Variants in GFRA3 observed in about 807,000 individuals in gnomAD.
The protein encoded by GFRA3 is GDNF family receptor alpha-3.
Under a neutral mutation model 40.0 loss-of-function variants are expected in GFRA3, and 24 were observed. The ratio of observed to expected loss-of-function variants is 0.60; its 90% CI spans 0.43 to 0.84. GFRA3 has a LOEUF of 0.84. Ranked by LOEUF, GFRA3 falls within the 40% of genes least tolerant of loss-of-function variation. The probability of loss-of-function intolerance (pLI) is 0.00; values close to 1 mark genes in which losing one functional copy is unlikely to be tolerated. For missense variants in GFRA3, 405 were observed against 530.6 expected (o/e 0.76, Z 2.33); for synonymous variants, 203 against 213.5 (o/e 0.95, Z 0.43).
chr5:138,264,444 A>C lies in GFRA3; in HGVS notation c.196T>G (p.Ser66Ala), dbSNP rs1030251218. The C allele has an allele frequency of 2.4e-5, 38 of 1,614,034 alleles. No homozygotes were observed. The highest frequency in any genetic ancestry group is 2.9e-5 in the Non-Finnish European group (34 of 1,179,932). The part of the protein sequence containing the change: ...TCSAAYHHLD[S>A]CTSSISTPLP... ...GGGGTGCTTATGCTAGAGGTGCAGG[A>C]ATCCAGGTGGTGGTAGGCAGCACTG... Residue 66 changes from serine (S) to alanine (A), a missense_variant, in exon 2 of 8, where the codon TCC (serine) becomes GCC (alanine). Coordinates refer to ENST00000274721, the MANE Select transcript of GFRA3 (RefSeq NM_001496.4).
intron 1 of GFRA3, among the ~76,000 whole-genome samples, chr5:138,271,919 G>T (rs1165316896): frequency 2.4e-3 from 214 of 90,520 alleles, no homozygotes; most frequent in Middle Eastern, 6.8e-3. Flanking sequence ...TTTTTTGTGT[G>T]TGTGTGTGTG....
chr5:138,257,958 G>C lies in GFRA3; in HGVS notation c.473-7C>G, dbSNP rs769046323. 44 of 1,613,230 alleles carry C rather than the reference G, an allele frequency of 2.7e-5. No homozygotes were observed. The highest frequency in any genetic ancestry group is 3.6e-5 in the Non-Finnish European group (43 of 1,179,334). Reference sequence around the variant, plus strand: ...TTGAGGCAGAGGTCTGAGTCTGGGGGGAAAGGGCACGGAGTCAGTCGGCTG... The same window carrying C: ...TTGAGGCAGAGGTCTGAGTCTGGGGCGAAAGGGCACGGAGTCAGTCGGCTG... On this transcript the variant is annotated splice_polypyrimidine_tract_variant and splice_region_variant and intron_variant, in intron 3 of 7. Coordinates refer to ENST00000274721, the MANE Select transcript of GFRA3 (RefSeq NM_001496.4).
chr5:138,274,435 A>T lies in GFRA3; in HGVS notation c.-11T>A, dbSNP rs573326772. On this transcript the variant is annotated 5_prime_UTR_variant, in exon 1 of 8. Coordinates refer to ENST00000274721, the MANE Select transcript of GFRA3 (RefSeq NM_001496.4). ...CAGGGGGCGCACCATGGCGAGCTGT[A>T]GGCGCCGGGCTCCGCGCTCCCCTCG... 1.5e-6 allele frequency: 2 copies of T among 1,297,434 alleles called. No homozygotes were observed. The highest frequency in any genetic ancestry group is 3.8e-5 in the Admixed American group (1 of 26,308). The allele number at this position is 1,297,434 out of a possible 1,614,324, so 80.4% of individuals were successfully genotyped here. A position where few individuals can be genotyped will look rare whatever the true frequency, so the allele number is the denominator to read the frequency against.
intron 4 of GFRA3, among the ~76,000 whole-genome samples, chr5:138,254,790 G>T (rs1383917944): frequency 6.6e-6 from 1 of 152,022 alleles, no homozygotes. Flanking sequence ...ATTTTTGTGA[G>T]GATGAAGTAA....
In GFRA3 at chr5:138,259,624, G is replaced by T; in HGVS notation, c.405C>A (p.Pro135=). The T allele has an allele frequency of 6.6e-7, 1 of 1,510,622 alleles. No individual in the cohort carries two copies. Among genetic ancestry groups the T allele is most frequent in the Non-Finnish European group, 9.2e-7 (1 of 1,085,550 alleles). 93.6% of individuals were successfully genotyped at this position (1,510,622 alleles called of 1,614,324 possible). A position where few individuals can be genotyped will look rare whatever the true frequency, so the allele number is the denominator to read the frequency against. Reference sequence around the variant, plus strand: ...GTTTGCTGGTCACTGTGTCTTCATAGGGGGAGACATCCAGCTCATAGTTAC... The same window carrying T: ...GTTTGCTGGTCACTGTGTCTTCATATGGGGAGACATCCAGCTCATAGTTAC... The part of the protein sequence containing the change: ...SLGNYELDVS[P]YEDTVTSKPW... The change falls in exon 3 of 8, where the codon CCC becomes CCA. Residue 135 remains proline, a synonymous_variant. Transcript: ENST00000274721.
chr5:138,253,089 G>A, intron 7 of GFRA3, 32 bp from the exon 8 acceptor site: 2 of 1,285,188 alleles, frequency 1.6e-6, no homozygotes, highest in South Asian at 2.4e-5. Flanking sequence ...GTTAGCTCAG[G>A]GGATTTTCTT....
chr5:138,253,669 G>A, intron 6 of GFRA3, 97 bp downstream of exon 6: 1 of 1,154,732 alleles, frequency 8.7e-7, no homozygotes, highest in Non-Finnish European at 1.3e-6. Flanking sequence ...TGGTGGAGAT[G>A]GATGGAACCA....
chr5:138,258,347 A>AT (rs1213827332), intron 3 of GFRA3, among the ~76,000 whole-genome samples: 66 of 151,542 alleles, frequency 4.4e-4, no homozygotes, highest in Admixed American at 3.0e-3. Context: ...CGCCCGGCTA[A>AT]TTTTTTGTAT....
Position 138,274,497 on chromosome 5 carries a change from A to G in GFRA3, c.-73T>C, listed in dbSNP as rs1755923021. On this transcript the variant is annotated 5_prime_UTR_variant, in exon 1 of 8. Coordinates refer to ENST00000274721, the MANE Select transcript of GFRA3 (RefSeq NM_001496.4). The stretch of plus-strand genomic sequence containing the variant: ...GAGCTCTGAGAGCGGGGCTCCCTCG[A>G]CCGGCACCTCCCGCCCCCGCCTCCC... 1 of 1,241,582 alleles carries G rather than the reference A, an allele frequency of 8.1e-7. No homozygotes were observed. Among genetic ancestry groups the G allele is most frequent in the African/African-American group, 1.6e-5 (1 of 64,386 alleles). 76.9% of individuals were successfully genotyped at this position (1,241,582 alleles called of 1,614,324 possible).
At chr5:138,264,134 G>C in intron 2 of GFRA3, 127 bp downstream of exon 2, 1 of 788,432 alleles carries the variant, frequency 1.3e-6, no homozygotes, top group Non-Finnish European at 2.0e-6. Context: ...CTTTCCTGAT[G>C]TCAAATGCAG....
chr5:138,254,633 A>G (rs1403652197), intron 4 of GFRA3, among the ~76,000 whole-genome samples: 3 of 152,116 alleles, frequency 2.0e-5, no homozygotes, highest in Non-Finnish European at 4.4e-5. Context: ...GTGCCCCTGT[A>G]ACAGTTAAAT....
In GFRA3 at chr5:138,264,477, G is replaced by C; in HGVS notation, c.163C>G (p.Pro55Ala). The C allele has an allele frequency of 6.2e-7, 1 of 1,613,136 alleles. No individual in the cohort carries two copies. The highest frequency in any genetic ancestry group is 8.5e-7 in the Non-Finnish European group (1 of 1,179,134). ...LQARRKCQADPTCSAAYHHLD... is the reference protein window; with the variant it reads ...LQARRKCQADATCSAAYHHLD... ...TGGTGGTAGGCAGCACTGCAGGTGG[G>C]ATCAGCCTGGCACTTCCTCCTGGCC... The change falls in exon 2 of 8, where the codon CCC (proline) becomes GCC (alanine). Residue 55 changes from proline (P) to alanine (A), a missense_variant. Coordinates refer to ENST00000274721, the MANE Select transcript of GFRA3 (RefSeq NM_001496.4).
In GFRA3 at chr5:138,274,522, C is replaced by T. The variant is rs2126624133; in HGVS notation, c.-98G>A. The T allele has an allele frequency of 2.4e-6, 3 of 1,236,202 alleles. No homozygotes were observed. The highest frequency in any genetic ancestry group is 6.3e-5 in the East Asian group (2 of 31,664). 76.6% of individuals were successfully genotyped at this position (1,236,202 alleles called of 1,614,324 possible). On this transcript the variant is annotated 5_prime_UTR_variant, in exon 1 of 8. Coordinates refer to ENST00000274721, the MANE Select transcript of GFRA3 (RefSeq NM_001496.4). ...ACCGGCACCTCCCGCCCCCGCCTCC[C>T]GCCCTCCAGCGCGACGCACACACTC...
rs1029503480 is a variant in GFRA3 at position 138,252,813 on chromosome 5, G to C, written c.*155C>G. 6 of 570,646 alleles carry C rather than the reference G, an allele frequency of 1.1e-5. No individual in the cohort carries two copies. The highest frequency in any genetic ancestry group is 1.6e-5 in the Non-Finnish European group (5 of 310,878). 35.3% of individuals were successfully genotyped at this position (570,646 alleles called of 1,614,324 possible). A position where few individuals can be genotyped will look rare whatever the true frequency, so the allele number is the denominator to read the frequency against. On this transcript the variant is annotated 3_prime_UTR_variant, in exon 8 of 8. Transcript: ENST00000274721. ...GATGGGGTGGAGGGAATGAGGACTG[G>C]ACCAGTAAGGATCTGGAGGTCATAA...
chr5:138,257,522 C>T, intron 4 of GFRA3, 117 bp downstream of exon 4: 2 of 741,454 alleles, frequency 2.7e-6, no homozygotes, highest in South Asian at 1.8e-5. Context: ...CTTCGTGAAG[C>T]AGCCAGTGGG....
chr5:138,272,600 A>G (rs1032361797), intron 1 of GFRA3, among the ~76,000 whole-genome samples: 1 of 151,590 alleles, frequency 6.6e-6, no homozygotes, highest in African/African-American at 2.4e-5. Flanking sequence ...CTGGAATCAC[A>G]CCACTGAACT....
At chr5:138,268,447 TTAAAC>T (rs1755820349) in intron 1 of GFRA3, among the ~76,000 whole-genome samples, 2 of 146,588 alleles carry the variant, frequency 1.4e-5, no homozygotes, top group Admixed American at 1.4e-4. Flanking sequence ...TGGTACTTAA[TTAAAC>T]TAAAGAGCTT....
At chr5:138,262,093 T>C (rs565803178) in intron 2 of GFRA3, among the ~76,000 whole-genome samples, 3 of 152,324 alleles carry the variant, frequency 2.0e-5, no homozygotes, top group Non-Finnish European at 2.9e-5. Context: ...CAGAGAGTTG[T>C]ACTACAAAGA....
chr5:138,273,699 C>A (rs2126623523), intron 1 of GFRA3, among the ~76,000 whole-genome samples: 1 of 152,306 alleles, frequency 6.6e-6, no homozygotes, highest in East Asian at 1.9e-4. Flanking sequence ...ATGGGCCTTC[C>A]AGGGATCTCG....
Sources: allele counts gnomAD v4.1 joint callset (sites outside exome capture counted in the v4.1 genomes callset), GRCh38; gene constraint gnomAD v4.1.1; transcripts MANE v1.5; gene names NCBI Gene and HGNC (gene_info 2026-07-23, HGNC 2026-07-21).